Variants in DAB1 observed in about 807,000 individuals in gnomAD.
The protein encoded by DAB1 is DAB adaptor protein 1.
DAB1 carries 15 observed loss-of-function variants against 64.6 expected under a neutral mutation model. That is an observed-to-expected ratio of 0.23 (90% confidence interval 0.16 to 0.36). The LOEUF is 0.36. Among genes scored for constraint, DAB1 ranks in the 10% least tolerant of loss-of-function variants. The pLI, the probability that DAB1 is intolerant of heterozygous loss-of-function variation, is 1.00. For synonymous variants in DAB1, 235 were observed against 251.9 expected (o/e 0.93, Z 0.64); for missense variants, 596 against 706.7 (o/e 0.84, Z 1.78).
chr1:58,477,445 G>T (rs1031412471), intron 3 of DAB1, among the ~76,000 whole-genome samples: 6 of 152,134 alleles, frequency 3.9e-5, no homozygotes, highest in African/African-American at 1.4e-4. Context: ...CCCCGTGGTT[G>T]CATCTCTCCT....
At position 57,949,345 on chromosome 1, in the gene DAB1, C is replaced by T. The variant is rs375924808; in HGVS notation, n.388-65183G>A. ...CTGACAGGAGGTGGAGTTCAGGCAG[C>T]GAGGCTTGCTCATCAGGCTCTCACC... On this transcript the variant is annotated intron_variant and non_coding_transcript_variant, in intron 5 of 20. Transcript: ENST00000485760. 2.6e-5 allele frequency among the ~76,000 whole-genome samples: 4 copies of T among 152,138 alleles called. No individual in the cohort carries two copies. The South Asian group carries it at 6.2e-4, about 24-fold the overall frequency.
chr1:57,939,644 C>T (rs1202774), intron 5 of DAB1, among the ~76,000 whole-genome samples: 25,207 of 152,122 alleles, frequency 0.17, 3,161 homozygotes, highest in African/African-American at 0.35. Context: ...AGTCCATGGC[C>T]TTGCCCCAAA....
At chr1:58,167,760 C>T (rs576326878) in intron 4 of DAB1, among the ~76,000 whole-genome samples, 14 of 152,254 alleles carry the variant, frequency 9.2e-5, no homozygotes, top group African/African-American at 2.9e-4. Flanking sequence ...CAACTCCGGA[C>T]GCACCACCTT....
At chr1:57,298,669 C>A (rs1313903299) in intron 1 of DAB1, among the ~76,000 whole-genome samples, 1 of 151,848 alleles carries the variant, frequency 6.6e-6, no homozygotes, top group African/African-American at 2.4e-5. Flanking sequence ...AGGCAACTTA[C>A]CAAAAGCCTT....
intron 4 of DAB1, among the ~76,000 whole-genome samples, chr1:58,217,340 G>A (rs1442606971): frequency 5.3e-5 from 8 of 152,176 alleles, no homozygotes; most frequent in Non-Finnish European, 1.2e-4. Context: ...CCAGAACCCC[G>A]AAAGTAGAGA....
intron 5 of DAB1, among the ~76,000 whole-genome samples, chr1:58,032,033 TGTGTG>T (rs1222667498): frequency 7.8e-6 from 1 of 128,914 alleles, no homozygotes; most frequent in African/African-American, 2.7e-5. Flanking sequence ...TGTGTGTGTG[TGTGTG>T]TTTAATCTGA....
chr1:57,639,564 G>C (rs1646102954), intron 7 of DAB1, among the ~76,000 whole-genome samples: 2 of 152,138 alleles, frequency 1.3e-5, no homozygotes, highest in South Asian at 4.1e-4. Flanking sequence ...TGGAAGGAGT[G>C]AGACTAGAGT....
At chr1:58,537,056 G>C (rs1417811938) in intron 1 of DAB1, among the ~76,000 whole-genome samples, 1 of 146,072 alleles carries the variant, frequency 6.8e-6, no homozygotes, top group Non-Finnish European at 1.5e-5. Flanking sequence ...TCTAGTACAT[G>C]CAAAATTCTC....
At chr1:57,918,941 G>C (rs1024040047) in intron 5 of DAB1, among the ~76,000 whole-genome samples, 1 of 152,204 alleles carries the variant, frequency 6.6e-6, no homozygotes, top group South Asian at 2.1e-4. Context: ...TTCAACGTGA[G>C]TTTTTGTCAG....
At position 57,309,128 on chromosome 1, in the gene DAB1, C is replaced by T. The variant is rs191889640; in HGVS notation, c.-136-17962G>A. 1.8e-3 allele frequency among the ~76,000 whole-genome samples: 267 copies of T among 152,278 alleles called. 1 individual carries two copies. Among genetic ancestry groups the T allele is most frequent in the Non-Finnish European group, 2.5e-3 (170 of 68,016 alleles). Reference sequence around the variant, plus strand: ...TCCAAGGATATTCTTCTTTTTCCAACGTGGCTCAGGGAAGCCAAAAGATTG... The same window carrying T: ...TCCAAGGATATTCTTCTTTTTCCAATGTGGCTCAGGGAAGCCAAAAGATTG... On this transcript the variant is annotated intron_variant, in intron 1 of 14. Transcript: ENST00000371236.
At chr1:57,637,076 T>C (rs1646066028) in intron 7 of DAB1, among the ~76,000 whole-genome samples, 1 of 152,216 alleles carries the variant, frequency 6.6e-6, no homozygotes, top group Admixed American at 6.5e-5. Flanking sequence ...CACAATATTT[T>C]TCTTCTTTGT....
At chr1:57,350,119 T>C (rs1366794492) in intron 1 of DAB1, among the ~76,000 whole-genome samples, 2 of 152,208 alleles carry the variant, frequency 1.3e-5, no homozygotes, top group South Asian at 4.1e-4. Flanking sequence ...TGATCAACTA[T>C]CCTTAATAGA....
chr1:57,822,500 T>C (rs1392072458), downstream of DAB1, among the ~76,000 whole-genome samples: 2 of 152,188 alleles, frequency 1.3e-5, no homozygotes, highest in African/African-American at 2.4e-5. Flanking sequence ...GCTCTTTTAA[T>C]AGTAAAAGGG....
chr1:58,329,053 A>G (rs1018875661), intron 4 of DAB1, among the ~76,000 whole-genome samples: 9 of 152,236 alleles, frequency 5.9e-5, no homozygotes. Context: ...TTCTTCTATT[A>G]ATCAGTGACC....
At chr1:58,222,829 T>C (rs1659246716) in intron 4 of DAB1, among the ~76,000 whole-genome samples, 1 of 152,250 alleles carries the variant, frequency 6.6e-6, no homozygotes, top group South Asian at 2.1e-4. Flanking sequence ...GCTAAGCATA[T>C]TGTACATAGT....
intron 5 of DAB1, among the ~76,000 whole-genome samples, chr1:58,104,473 C>A (rs1408176023): frequency 6.6e-6 from 1 of 152,200 alleles, no homozygotes; most frequent in Non-Finnish European, 1.5e-5. Flanking sequence ...GTAATCAACA[C>A]TTGTACCCTA....
At chr1:57,603,379 A>G (rs1378508679) in intron 7 of DAB1, among the ~76,000 whole-genome samples, 1 of 152,150 alleles carries the variant, frequency 6.6e-6, no homozygotes, top group Non-Finnish European at 1.5e-5. Flanking sequence ...TTATTTTCCT[A>G]TAGCCCGGAA....
At chr1:57,946,874 A>G (rs994351832) in intron 5 of DAB1, among the ~76,000 whole-genome samples, 5 of 152,226 alleles carry the variant, frequency 3.3e-5, no homozygotes, top group African/African-American at 7.2e-5. Context: ...CAGGGACCCC[A>G]TATGATACAC....
chr1:57,229,196 C>CT (rs34245893), intron 2 of DAB1, among the ~76,000 whole-genome samples: 15,512 of 140,066 alleles, frequency 0.11, 1,904 homozygotes, highest in African/African-American at 0.31. Context: ...ACTTCTTCTT[C>CT]TTTTTTTTTT....
Sources: gnomAD v4.1 joint callset for allele counts (sites outside exome capture counted in the v4.1 genomes callset) on GRCh38, gnomAD v4.1.1 for gene constraint, MANE v1.5 for transcripts, NCBI Gene and HGNC (gene_info 2026-07-23, HGNC 2026-07-21) for gene names.